Variants in CELF4 observed in about 807,000 individuals in gnomAD.
CELF4 encodes CUGBP Elav-like family member 4, also known as CUG-BP- and ETR-3-like factor 4.
CELF4 carries 18 observed loss-of-function variants against 59.9 expected under a neutral mutation model. That is an observed-to-expected ratio of 0.30 (90% CI 0.21 to 0.45). CELF4 has a LOEUF of 0.45. Among genes scored for constraint, CELF4 ranks in the 20% least tolerant of loss-of-function variants. The probability of loss-of-function intolerance (pLI) is 1.00; values close to 1 mark genes in which losing one functional copy is unlikely to be tolerated. For synonymous variants in CELF4, 261 were observed against 267.1 expected (o/e 0.98, Z 0.22); for missense variants, 456 against 689.0 (o/e 0.66, Z 3.79).
intron 1 of CELF4, among the ~76,000 whole-genome samples, chr18:37,526,910 G>A (rs1005809665): frequency 1.3e-5 from 2 of 152,008 alleles, no homozygotes; most frequent in Non-Finnish European, 2.9e-5. Flanking sequence ...TCACCACACC[G>A]ATTCTCTGAG....
At chr18:37,356,425 A>C (rs2098574496) in intron 2 of CELF4, among the ~76,000 whole-genome samples, 1 of 152,192 alleles carries the variant, frequency 6.6e-6, no homozygotes, top group Non-Finnish European at 1.5e-5. Context: ...AGACAAGGAC[A>C]TGAAAGAGGT....
At chr18:37,297,399 A>G (rs1453752555) in intron 3 of CELF4, among the ~76,000 whole-genome samples, 1 of 152,208 alleles carries the variant, frequency 6.6e-6, no homozygotes, top group East Asian at 1.9e-4. Flanking sequence ...TTTCACATGC[A>G]TTCCTCATCA....
chr18:37,547,144 A>ATG (rs1555641852), intron 1 of CELF4, among the ~76,000 whole-genome samples: 173 of 102,452 alleles, frequency 1.7e-3, no homozygotes, highest in African/African-American at 5.7e-3. Context: ...TGCTTAGTGT[A>ATG]TGTGTGTGTG....
At chr18:37,358,087 T>C (rs904254290) in intron 2 of CELF4, among the ~76,000 whole-genome samples, 3 of 152,104 alleles carry the variant, frequency 2.0e-5, no homozygotes, top group African/African-American at 7.2e-5. Context: ...TGGGAAGACA[T>C]GATCGGTTTT....
Position 37,565,783 on chromosome 18 carries a change from C to A in CELF4, c.-142G>T. 1 of 581,168 alleles carries A rather than the reference C, an allele frequency of 1.7e-6. No homozygotes were observed. 36.0% of individuals were successfully genotyped at this position (581,168 alleles called of 1,614,324 possible). A position where few individuals can be genotyped will look rare whatever the true frequency, so the allele number is the denominator to read the frequency against. On this transcript the variant is annotated 5_prime_UTR_variant, in exon 1 of 13. Coordinates refer to ENST00000420428, the MANE Select transcript of CELF4 (RefSeq NM_020180.4). ...GTTTCTCTACACCTCGCTCTCCGCT[C>A]GCTCTCTGCTCTCTCTCTTTCTCCT...
At chr18:37,281,877 A>T (rs1489576482) in intron 3 of CELF4, among the ~76,000 whole-genome samples, 2 of 152,156 alleles carry the variant, frequency 1.3e-5, no homozygotes, top group Non-Finnish European at 2.9e-5. Context: ...CTGAGGGTGA[A>T]GGACATGCCC....
At chr18:37,434,693 T>C (rs2099683901) in intron 2 of CELF4, among the ~76,000 whole-genome samples, 1 of 152,112 alleles carries the variant, frequency 6.6e-6, no homozygotes, top group African/African-American at 2.4e-5. Flanking sequence ...GCCACTCTGT[T>C]GATGTCAGGA....
intron 2 of CELF4, among the ~76,000 whole-genome samples, chr18:37,436,855 G>C (rs2099694415): frequency 6.6e-6 from 1 of 152,194 alleles, no homozygotes; most frequent in Non-Finnish European, 1.5e-5. Context: ...TCTATTCCCA[G>C]CACAATTCCC....
rs2061200225 is a variant in CELF4 at position 37,244,065 on chromosome 18, A to G, written c.*1177T>C. The G allele has an allele frequency of 1.3e-5, 2 of 156,052 alleles. No individual in the cohort carries two copies. The highest frequency in any genetic ancestry group is 4.0e-4 in the South Asian group (2 of 4,976). 9.7% of individuals were successfully genotyped at this position (156,052 alleles called of 1,614,324 possible). A position where few individuals can be genotyped will look rare whatever the true frequency, so the allele number is the denominator to read the frequency against. On this transcript the variant is annotated 3_prime_UTR_variant, in exon 13 of 13. Transcript: ENST00000420428. ...CCGACTGCACTCGCGGGGAGAAGGGATTGATGCTCTGTCTAAACTCTACAA... is the reference window on the plus strand; with the variant it reads ...CCGACTGCACTCGCGGGGAGAAGGGGTTGATGCTCTGTCTAAACTCTACAA...
At chr18:37,340,719 A>G (rs1187593435) in intron 2 of CELF4, among the ~76,000 whole-genome samples, 3 of 152,178 alleles carry the variant, frequency 2.0e-5, no homozygotes, top group Non-Finnish European at 2.9e-5. Context: ...AAGAAGTCTT[A>G]TTTTTGAAGA....
rs2099987928 is a variant in CELF4 at position 37,565,389 on chromosome 18, C to T, written c.253G>A (p.Val85Ile). Reference protein sequence around the residue: ...EEFGKIYELTVLKDRFTGMHK... With the variant: ...EEFGKIYELTILKDRFTGMHK... ...ATGCCTGTGAACCTGTCCTTCAGAA[C>T]CGTAAGCTCGTAGATTTTGCCAAAC... Residue 85 changes from valine to isoleucine, a missense_variant, in exon 1 of 13, where the codon GTT (valine) becomes ATT (isoleucine). Physicochemically the swap from Val to Ile is conservative, Grantham distance 29. This residue lies in a region of CELF4 where 63 missense variants were observed against 110.6 expected (regional missense o/e 0.57). Transcript: ENST00000420428. 8.1e-6 allele frequency: 13 copies of T among 1,603,422 alleles called. No individual in the cohort carries two copies. The highest frequency in any genetic ancestry group is 1.1e-5 in the Non-Finnish European group (13 of 1,174,278).
chr18:37,342,804 C>T (rs527659676), intron 2 of CELF4, among the ~76,000 whole-genome samples: 73 of 152,244 alleles, frequency 4.8e-4, no homozygotes, highest in African/African-American at 1.7e-3. Context: ...AAAACTAATG[C>T]AAAAAAAGTT....
chr18:37,383,688 A>G (rs2154570599), intron 2 of CELF4, among the ~76,000 whole-genome samples: 1 of 152,220 alleles, frequency 6.6e-6, no homozygotes, highest in East Asian at 1.9e-4. Context: ...TTCCCATGAT[A>G]GTCTTGTGAG....
At chr18:37,551,880 G>A (rs1338849876) in intron 1 of CELF4, among the ~76,000 whole-genome samples, 3 of 152,060 alleles carry the variant, frequency 2.0e-5, no homozygotes, top group South Asian at 2.1e-4. Flanking sequence ...CCAGGCTGGC[G>A]GCAGGTCCAA....
chr18:37,435,574 A>G (rs1210616531), intron 2 of CELF4, among the ~76,000 whole-genome samples: 1 of 152,178 alleles, frequency 6.6e-6, no homozygotes, highest in Non-Finnish European at 1.5e-5. Flanking sequence ...TTTGAACTTA[A>G]CAAATGATCA....
intron 2 of CELF4, among the ~76,000 whole-genome samples, chr18:37,392,592 C>T (rs2099174936): frequency 6.6e-6 from 1 of 152,222 alleles, no homozygotes; most frequent in Non-Finnish European, 1.5e-5. Context: ...TTTGTGCCCA[C>T]AAGCAAAGTA....
chr18:37,498,908 G>A (rs2099928330), intron 1 of CELF4, among the ~76,000 whole-genome samples: 1 of 152,200 alleles, frequency 6.6e-6, no homozygotes, highest in Admixed American at 6.5e-5. Context: ...CTGGGGTCCT[G>A]AGTGCCCAGC....
intron 2 of CELF4, among the ~76,000 whole-genome samples, chr18:37,402,642 A>T (rs777177897): frequency 5.3e-5 from 8 of 152,350 alleles, no homozygotes; most frequent in Non-Finnish European, 1.0e-4. Flanking sequence ...AAGGTGAAAG[A>T]GAAAGACAAA....
intron 2 of CELF4, among the ~76,000 whole-genome samples, chr18:37,361,363 C>T (rs2098700446): frequency 6.6e-6 from 1 of 152,216 alleles, no homozygotes; most frequent in South Asian, 2.1e-4. Context: ...TCGTCCAATG[C>T]ATCCAGCTGC....
Sources: gnomAD v4.1 joint callset for allele counts (sites outside exome capture counted in the v4.1 genomes callset) on GRCh38, gnomAD v4.1.1 for gene constraint, gnomAD v4.1.1 regional missense constraint, MANE v1.5 for transcripts, NCBI Gene and HGNC (gene_info 2026-07-23, HGNC 2026-07-21) for gene names.